The following ABCC4 variants were observed in gnomAD, a reference collection of about 807,000 sequenced individuals.
ABCC4 encodes the protein ATP binding cassette subfamily C member 4 (PEL blood group).
A neutral mutation model predicts 168.5 loss-of-function variants in ABCC4; 102 were observed. The observed-to-expected ratio is 0.61, with a 90% CI of 0.52 to 0.71. The LOEUF (loss-of-function observed/expected upper bound fraction) is 0.71, where lower values mean the gene tolerates loss of function less well. ABCC4 is among the 30% of genes least tolerant of loss of function. The pLI is 0.00. For synonymous variants in ABCC4, 617 were observed against 590.7 expected (o/e 1.04, Z -0.65); for missense variants, 1,402 against 1,605.8 (o/e 0.87, Z 2.17).
intron 4 of ABCC4, among the ~76,000 whole-genome samples, chr13:95,223,358 A>C (rs755627103): frequency 4.6e-5 from 7 of 152,240 alleles, no homozygotes; most frequent in Admixed American, 1.3e-4. Context: ...AAATAATAAA[A>C]GTAAATCCAA....
Position 95,194,950 on chromosome 13 carries a change from G to C in ABCC4, c.1162-13C>G. 1 of 1,603,574 alleles carries C rather than the reference G, an allele frequency of 6.2e-7. No individual in the cohort carries two copies. The highest frequency in any genetic ancestry group is 8.5e-7 in the Non-Finnish European group (1 of 1,173,042). On this transcript the variant is annotated splice_polypyrimidine_tract_variant and intron_variant, in intron 8 of 30. Transcript: ENST00000645237. ...GTAGCAAAAAGGTCTAAAGAAAATGGGAAAAACACAGATTGTTTAAATTAC... is the reference window on the plus strand; with the variant it reads ...GTAGCAAAAAGGTCTAAAGAAAATGCGAAAAACACAGATTGTTTAAATTAC...
intron 19 of ABCC4, among the ~76,000 whole-genome samples, chr13:95,159,093 T>TATA (rs2036982333): frequency 1.5e-4 from 9 of 61,028 alleles, no homozygotes; most frequent in Admixed American, 2.5e-4. Context: ...TAAATAAATT[T>TATA]TATATATATA....
chr13:95,103,038 G>A (rs1223685530), intron 20 of ABCC4, among the ~76,000 whole-genome samples: 3 of 151,584 alleles, frequency 2.0e-5, no homozygotes, highest in African/African-American at 7.3e-5. Flanking sequence ...AGGCTGAGGT[G>A]GGTGGATCAC....
At chr13:95,090,428 T>A (rs2034394740) in intron 20 of ABCC4, among the ~76,000 whole-genome samples, 2 of 151,976 alleles carry the variant, frequency 1.3e-5, no homozygotes. Context: ...CCCAAAGAGA[T>A]CTCTGTGAGG....
At chr13:95,170,214 G>A (rs1266291711) in intron 14 of ABCC4, 1 of 205,688 alleles carries the variant, frequency 4.9e-6, no homozygotes, top group Non-Finnish European at 9.7e-6. Flanking sequence ...CAATTAAAGG[G>A]ATACAAACAG....
chr13:95,115,146 T>C (rs2035328993), intron 20 of ABCC4, among the ~76,000 whole-genome samples: 1 of 151,594 alleles, frequency 6.6e-6, no homozygotes, highest in African/African-American at 2.4e-5. Flanking sequence ...AAAAATAAAA[T>C]AAAACCAAAC....
chr13:95,112,062 G>T (rs2035221583), intron 20 of ABCC4, among the ~76,000 whole-genome samples: 1 of 152,100 alleles, frequency 6.6e-6, no homozygotes, highest in Non-Finnish European at 1.5e-5. Context: ...GATTAAAAAG[G>T]TCACATGAGG....
chr13:95,272,798 G>C (rs2040877538), intron 1 of ABCC4, among the ~76,000 whole-genome samples: 1 of 152,132 alleles, frequency 6.6e-6, no homozygotes. Flanking sequence ...TGAGACAGGG[G>C]AATCGCTTGA....
At chr13:95,069,164 T>C (rs2033643817) in intron 25 of ABCC4, among the ~76,000 whole-genome samples, 1 of 152,214 alleles carries the variant, frequency 6.6e-6, no homozygotes, top group South Asian at 2.1e-4. Flanking sequence ...TCCGAAAGTA[T>C]CTAACACTGA....
chr13:95,241,830 T>G (rs1484857223), intron 3 of ABCC4, among the ~76,000 whole-genome samples: 1 of 152,170 alleles, frequency 6.6e-6, no homozygotes, highest in Non-Finnish European at 1.5e-5. Flanking sequence ...GTGCCATCAT[T>G]AGTACCCAGG....
At chr13:95,272,930 C>G (rs537185213) in intron 1 of ABCC4, among the ~76,000 whole-genome samples, 49 of 152,162 alleles carry the variant, frequency 3.2e-4, no homozygotes, top group African/African-American at 1.1e-3. Flanking sequence ...ATGTGCTGGA[C>G]AAACCTAAAC....
chr13:95,077,647 T>C (rs2033951485), intron 21 of ABCC4, among the ~76,000 whole-genome samples: 3 of 149,384 alleles, frequency 2.0e-5, no homozygotes, highest in African/African-American at 7.4e-5. Context: ...CAATCTATCT[T>C]ACAGGCGATG....
chr13:95,291,484 G>A (rs1355018713), intron 1 of ABCC4, among the ~76,000 whole-genome samples: 1 of 152,180 alleles, frequency 6.6e-6, no homozygotes, highest in Non-Finnish European at 1.5e-5. Flanking sequence ...AGCAACCACA[G>A]TGTTGATTAG....
intron 19 of ABCC4, among the ~76,000 whole-genome samples, chr13:95,154,667 G>A (rs1010759768): frequency 6.6e-6 from 1 of 152,204 alleles, no homozygotes; most frequent in Admixed American, 6.5e-5. Context: ...CCATAAATCA[G>A]AGGTTTTAGG....
intron 8 of ABCC4, among the ~76,000 whole-genome samples, chr13:95,197,480 T>G (rs1250069809): frequency 1.3e-5 from 2 of 152,068 alleles, no homozygotes; most frequent in Admixed American, 6.5e-5. Flanking sequence ...GAGACAGACA[T>G]GATAATAGTT....
chr13:95,229,661 T>G (rs535335803), intron 4 of ABCC4, among the ~76,000 whole-genome samples: 1 of 152,208 alleles, frequency 6.6e-6, no homozygotes, highest in Admixed American at 6.5e-5. Flanking sequence ...TATTTGATAA[T>G]ACAAAAGCTG....
Position 95,021,611 on chromosome 13 carries a change from C to T in ABCC4, c.3942G>A (p.Gln1314=). 1.2e-6 allele frequency: 2 copies of T among 1,612,954 alleles called. No individual in the cohort carries two copies. Among genetic ancestry groups the T allele is most frequent in the Non-Finnish European group, 1.7e-6 (2 of 1,179,120 alleles). The part of the protein sequence containing the change: ...DHMVTNTSNG[Q]PSTLTIFETA... ...TCTCGAAAATAGTTAAGGTCGAGGGCTGTCCATTGGAAGTGTTTGTAACCA... is the reference window on the plus strand; with the variant it reads ...TCTCGAAAATAGTTAAGGTCGAGGGTTGTCCATTGGAAGTGTTTGTAACCA... The change falls in exon 31 of 31, where the codon CAG becomes CAA. Residue 1314 remains glutamine (Q), a synonymous_variant. Coordinates refer to ENST00000645237, the MANE Select transcript of ABCC4 (RefSeq NM_005845.5).
intron 3 of ABCC4, among the ~76,000 whole-genome samples, chr13:95,238,554 CG>C (rs1366151536): frequency 6.6e-6 from 1 of 152,016 alleles, no homozygotes; most frequent in Non-Finnish European, 1.5e-5. Flanking sequence ...GCTGGAGACC[CG>C]CTGTGAAGAG....
At chr13:95,065,625 T>TC (rs150112578) in intron 25 of ABCC4, among the ~76,000 whole-genome samples, 3,516 of 152,266 alleles carry the variant, frequency 0.023, 120 homozygotes, top group African/African-American at 0.078. Flanking sequence ...ATGTTAAATA[T>TC]CCTTGAAGCT....
Sources: allele counts gnomAD v4.1 joint callset (sites outside exome capture counted in the v4.1 genomes callset), GRCh38; gene constraint gnomAD v4.1.1; transcripts MANE v1.5; gene names NCBI Gene and HGNC (gene_info 2026-07-23, HGNC 2026-07-21).